PTPRD: variants seen among roughly 807,000 people sequenced by gnomAD.
PTPRD encodes protein tyrosine phosphatase receptor type D, also known as receptor-type tyrosine-protein phosphatase delta.
A neutral mutation model predicts 214.5 loss-of-function variants in PTPRD; 34 were observed. The observed-to-expected ratio is 0.16, with a 90% confidence interval of 0.12 to 0.21. PTPRD has a LOEUF of 0.21. Among genes scored for constraint, PTPRD ranks in the 10% least tolerant of loss-of-function variants. The pLI, the probability that PTPRD is intolerant of heterozygous loss-of-function variation, is 1.00. For missense variants in PTPRD, 2,545 were observed against 2,398.7 expected, an observed-to-expected ratio of 1.06 and a Z score of -1.27; for synonymous variants, 1,128 against 845.7, an observed-to-expected ratio of 1.33 and a Z score of -5.79.
chr9:8,996,101 C>A (rs1327866091), intron 11 of PTPRD, among the ~76,000 whole-genome samples: 1 of 151,926 alleles, frequency 6.6e-6, no homozygotes, highest in Non-Finnish European at 1.5e-5. Context: ...ATGCCACTCC[C>A]AAAACTCCAA....
chr9:8,816,887 A>G (rs549930663), intron 11 of PTPRD, among the ~76,000 whole-genome samples: 2 of 152,320 alleles, frequency 1.3e-5, no homozygotes, highest in South Asian at 4.1e-4. Context: ...ACAACAACAG[A>G]ATTCTTGCAT....
At chr9:9,627,027 T>C (rs1440777235) in intron 7 of PTPRD, among the ~76,000 whole-genome samples, 7 of 152,190 alleles carry the variant, frequency 4.6e-5, no homozygotes, top group Admixed American at 4.6e-4. Context: ...AAATTCTCGT[T>C]TGCAGGCTGG....
At chr9:10,332,876 C>T (rs1313045355) in intron 3 of PTPRD, among the ~76,000 whole-genome samples, 1 of 151,820 alleles carries the variant, frequency 6.6e-6, no homozygotes, top group Non-Finnish European at 1.5e-5. Context: ...ATGCAGCCCC[C>T]TAACTTTTGA....
rs141114070 is a variant in PTPRD, at chr9:9,700,105, G to A, written c.-287+34428C>T. ...TTCACCTAGCATAAATATTTACATC[G>A]GCAAAGGTACTGAACTATATATTTT... On this transcript the variant is annotated intron_variant, in intron 7 of 45. Transcript: ENST00000381196. Among the ~76,000 whole-genome samples the A allele has an allele frequency of 2.0e-3, 307 of 152,054 alleles. 1 individual carries two copies. Among genetic ancestry groups the A allele is most frequent in the East Asian group, 8.3e-3 (43 of 5,176 alleles).
At chr9:10,216,015 A>G (rs1337158461) in intron 3 of PTPRD, among the ~76,000 whole-genome samples, 1 of 152,044 alleles carries the variant, frequency 6.6e-6, no homozygotes, top group Non-Finnish European at 1.5e-5. Context: ...AGGAAAAGTG[A>G]GAGCATAATT....
At chr9:10,163,290 A>G (rs1321464921) in intron 3 of PTPRD, among the ~76,000 whole-genome samples, 1 of 151,276 alleles carries the variant, frequency 6.6e-6, no homozygotes, top group Non-Finnish European at 1.5e-5. Flanking sequence ...CTTCATTTCA[A>G]CTTGATTTTA....
chr9:9,171,473 T>C (rs1343780837), intron 10 of PTPRD, among the ~76,000 whole-genome samples: 2 of 151,646 alleles, frequency 1.3e-5, no homozygotes, highest in Admixed American at 6.6e-5. Context: ...AGAAAGAGCA[T>C]GAAAAAATGC....
intron 3 of PTPRD, among the ~76,000 whole-genome samples, chr9:10,276,066 T>C (rs1393063473): frequency 6.6e-6 from 1 of 152,220 alleles, no homozygotes; most frequent in Non-Finnish European, 1.5e-5. Flanking sequence ...TAGCACAGGA[T>C]TGCTGGAGAC....
chr9:8,740,158 C>A (rs903895061), intron 11 of PTPRD, among the ~76,000 whole-genome samples: 1 of 152,028 alleles, frequency 6.6e-6, no homozygotes, highest in Non-Finnish European at 1.5e-5. Context: ...ACCCTGAACA[C>A]GCCCAATCTC....
intron 7 of PTPRD, among the ~76,000 whole-genome samples, chr9:9,598,030 C>G (rs1697995408): frequency 6.6e-6 from 1 of 152,062 alleles, no homozygotes; most frequent in Non-Finnish European, 1.5e-5. Context: ...GCAAACTGTC[C>G]TGCCACTTGT....
intron 33 of PTPRD, chr9:8,454,584 C>G (rs370467898): frequency 6.2e-7 from 1 of 1,612,920 alleles, no homozygotes; most frequent in Middle Eastern, 1.7e-4. Context: ...CCTCACCTGT[C>G]GGGTTTACTG....
At chr9:8,393,727 T>G (rs570634044) in intron 36 of PTPRD, among the ~76,000 whole-genome samples, 1 of 152,270 alleles carries the variant, frequency 6.6e-6, no homozygotes, top group Non-Finnish European at 1.5e-5. Context: ...TGTCAATAGT[T>G]GTAACCCCAT....
chr9:8,543,425 T>G (rs2140299212), intron 14 of PTPRD, among the ~76,000 whole-genome samples: 1 of 152,340 alleles, frequency 6.6e-6, no homozygotes, highest in South Asian at 2.1e-4. Context: ...CCCCTTCAAT[T>G]GCTCAGTGAT....
intron 11 of PTPRD, among the ~76,000 whole-genome samples, chr9:9,008,720 T>A (rs1206083747): frequency 2.0e-5 from 3 of 152,132 alleles, no homozygotes; most frequent in African/African-American, 7.2e-5. Flanking sequence ...AATTTTGGCA[T>A]TTGCAAAGAT....
intron 2 of PTPRD, among the ~76,000 whole-genome samples, chr9:10,386,403 T>C (rs1032536577): frequency 2.0e-5 from 3 of 151,888 alleles, no homozygotes; most frequent in Non-Finnish European, 4.4e-5. Context: ...TCTTCCTCCA[T>C]CATCAATCTT....
At chr9:8,326,139 T>G (rs114325496) in intron 44 of PTPRD, among the ~76,000 whole-genome samples, 2,030 of 152,344 alleles carry the variant, frequency 0.013, 49 homozygotes, top group African/African-American at 0.046. Context: ...GGCATCCCTC[T>G]CTTGTGCTAC....
chr9:9,497,918 T>A (rs754474195), intron 8 of PTPRD, among the ~76,000 whole-genome samples: 2 of 152,178 alleles, frequency 1.3e-5, no homozygotes, highest in African/African-American at 4.8e-5. Context: ...AGTTTTCTCA[T>A]CTATAAACTG....
intron 7 of PTPRD, among the ~76,000 whole-genome samples, chr9:9,577,006 CATCCT>C (rs1025835448): frequency 2.9e-4 from 44 of 152,204 alleles, no homozygotes; most frequent in African/African-American, 1.0e-3. Flanking sequence ...ATCCAAAAGA[CATCCT>C]TGTTTGTATT....
chr9:10,603,699 A>G (rs1458232233), intron 2 of PTPRD, among the ~76,000 whole-genome samples: 2 of 151,892 alleles, frequency 1.3e-5, no homozygotes, highest in East Asian at 1.9e-4. Context: ...GAAGCAGTCA[A>G]TAAGTGTTGG....
Sources: gnomAD v4.1 joint callset for allele counts (sites outside exome capture counted in the v4.1 genomes callset) on GRCh38, gnomAD v4.1.1 for gene constraint, MANE v1.5 for transcripts, NCBI Gene and HGNC (gene_info 2026-07-23, HGNC 2026-07-21) for gene names.